Variants in DGAT2L6 observed in about 807,000 individuals in gnomAD.
DGAT2L6 encodes diacylglycerol O-acyltransferase 2-like protein 6.
DGAT2L6 carries 22 observed loss-of-function variants against 25.5 expected under a neutral mutation model. The ratio of observed to expected loss-of-function variants is 0.86; its 90% CI spans 0.62 to 1.23. The LOEUF is 1.23. Ranked by LOEUF, DGAT2L6 falls within the 50% of genes most tolerant of loss-of-function variation. The pLI is 0.00. For synonymous variants in DGAT2L6, 100 were observed against 94.7 expected (o/e 1.06, Z -0.32); for missense variants, 287 against 253.2 (o/e 1.13, Z -0.91).
At chrX:70,194,762 G>A (rs1287048665) in intron 1 of DGAT2L6, among the ~76,000 whole-genome samples, 1 of 111,887 alleles carries the variant, frequency 8.9e-6, no homozygotes, top group Non-Finnish European at 1.9e-5. Context: ...AGACTTAAAT[G>A]TAAGACCTGA....
intron 1 of DGAT2L6, among the ~76,000 whole-genome samples, chrX:70,196,629 A>G (rs2085392936): frequency 1.3e-5 from 1 of 77,725 alleles, no homozygotes; most frequent in Admixed American, 1.1e-4. Context: ...ACAATCTATA[A>G]AAGAAAAAAA....
chrX:70,204,509 C>G lies in DGAT2L6; in HGVS notation c.852C>G (p.Thr284=). 1 of 1,210,174 alleles carries G rather than the reference C, an allele frequency of 8.3e-7. No homozygotes were observed. Among genetic ancestry groups the G allele is most frequent in the Non-Finnish European group, 1.1e-6 (1 of 895,073 alleles). Residue 284 remains threonine (T), a synonymous_variant, in exon 6 of 7, where the codon ACC becomes ACG. Transcript: ENST00000333026. ...WGFLPFNRPI[T]TVVGEPLPIP... is the part of the protein sequence containing the mutation. ...TCCTGCCTTTCAATCGGCCCATTACCACTGTTGGTGAGCTTTCCCTTATCT... is the reference window on the plus strand; with the variant it reads ...TCCTGCCTTTCAATCGGCCCATTACGACTGTTGGTGAGCTTTCCCTTATCT...
At chrX:70,202,138 C>CAGGGAGGGCACCA in intron 5 of DGAT2L6, 74 bp downstream of exon 5, 2 of 950,745 alleles carry the variant, frequency 2.1e-6, no homozygotes, top group Non-Finnish European at 2.7e-6. Context: ...GAATGGTGCC[C>CAGGGAGGGCACCA]TCCCTGGGCA....
At chrX:70,179,081 T>A (rs978736177) in intron 1 of DGAT2L6, among the ~76,000 whole-genome samples, 32 of 112,199 alleles carry the variant, frequency 2.9e-4, no homozygotes, top group African/African-American at 9.7e-4. Flanking sequence ...TCTGCGTATT[T>A]TATTTTGTGC....
intron 1 of DGAT2L6, among the ~76,000 whole-genome samples, chrX:70,178,567 T>G (rs2085333950): frequency 9.0e-6 from 1 of 110,511 alleles, no homozygotes; most frequent in Non-Finnish European, 1.9e-5. Flanking sequence ...CAATTACAGG[T>G]GCAAGCTTGA....
At chrX:70,191,462 A>C (rs1035804505) in intron 1 of DGAT2L6, among the ~76,000 whole-genome samples, 2 of 111,875 alleles carry the variant, frequency 1.8e-5, no homozygotes, top group African/African-American at 6.5e-5. Context: ...AAATTAGCCA[A>C]TTAGAGAAAC....
intron 4 of DGAT2L6, 67 bp from the exon 5 acceptor site, chrX:70,201,823 T>C: frequency 1.9e-6 from 2 of 1,052,804 alleles, no homozygotes; most frequent in Non-Finnish European, 2.5e-6. Context: ...AGGAAGAGCC[T>C]GGGAAAACCC....
chrX:70,181,935 A>C (rs2085344504), intron 1 of DGAT2L6, among the ~76,000 whole-genome samples: 1 of 111,622 alleles, frequency 9.0e-6, no homozygotes, highest in Admixed American at 9.5e-5. Context: ...CAGTATCCCC[A>C]TCCTCTCAGT....
chrX:70,179,698 G>C (rs2085337377), intron 1 of DGAT2L6, among the ~76,000 whole-genome samples: 1 of 106,973 alleles, frequency 9.3e-6, no homozygotes, highest in Non-Finnish European at 1.9e-5. Context: ...TTCCCGAGTA[G>C]CCGGGACTAC....
intron 4 of DGAT2L6, among the ~76,000 whole-genome samples, chrX:70,201,003 A>G (rs1007725222): frequency 1.3e-4 from 15 of 112,447 alleles, no homozygotes; most frequent in Non-Finnish European, 2.3e-4. Flanking sequence ...ATAGGAGTTC[A>G]TCAGAGTATC....
At chrX:70,184,321 C>T in intron 1 of DGAT2L6, among the ~76,000 whole-genome samples, 1 of 111,361 alleles carries the variant, frequency 9.0e-6, no homozygotes, top group South Asian at 3.9e-4. Context: ...ATACTACCAA[C>T]CTTGTCAATC....
chrX:70,200,719 T>C (rs1027846182), intron 4 of DGAT2L6, among the ~76,000 whole-genome samples: 3 of 111,352 alleles, frequency 2.7e-5, no homozygotes, highest in African/African-American at 9.8e-5. Flanking sequence ...ACCAGAAGGC[T>C]GGAATTCAGG....
intron 5 of DGAT2L6, among the ~76,000 whole-genome samples, chrX:70,202,273 G>C (rs989434405): frequency 1.5e-4 from 17 of 112,193 alleles, no homozygotes; most frequent in Non-Finnish European, 2.1e-4. Context: ...GTTGGAGAAA[G>C]AACAGCAGAA....
intron 1 of DGAT2L6, among the ~76,000 whole-genome samples, chrX:70,188,104 G>A (rs1472605347): frequency 1.8e-5 from 2 of 112,155 alleles, no homozygotes; most frequent in Non-Finnish European, 3.8e-5. Flanking sequence ...TATGGGCTAA[G>A]TGAGCAAGTG....
At chrX:70,180,852 TCA>T (rs922836523) in intron 1 of DGAT2L6, among the ~76,000 whole-genome samples, 10 of 112,440 alleles carry the variant, frequency 8.9e-5, no homozygotes, top group Non-Finnish European at 1.9e-5. Context: ...GCTTTAAGGC[TCA>T]CCATGTGGTA....
chrX:70,184,170 C>T (rs1421839852), intron 1 of DGAT2L6, among the ~76,000 whole-genome samples: 1 of 111,629 alleles, frequency 9.0e-6, no homozygotes, highest in East Asian at 2.8e-4. Flanking sequence ...CACCCTGTAC[C>T]ATAACAGAAA....
rs1389154191 is a variant in DGAT2L6 at position 70,177,561 on chromosome X, A to G, written c.-22A>G. ...TGACCTTCTGGTTAGGCTTCTTGCC[A>G]CAACAGAACAGCACCATAACCATGG... On this transcript the variant is annotated 5_prime_UTR_variant, in exon 1 of 7. Transcript: ENST00000333026. 1 of 1,202,395 alleles carries G rather than the reference A, an allele frequency of 8.3e-7. No individual in the cohort carries two copies. Among genetic ancestry groups the G allele is most frequent in the Non-Finnish European group, 1.1e-6 (1 of 888,476 alleles).
rs760223136 is a variant in DGAT2L6, at chrX:70,205,493, A to G, written c.*387A>G. ...GTTCACCATCACTACGTAGGTTTAG[A>G]CTTAGAAGCTTTATTTGGAACAGGG... On this transcript the variant is annotated 3_prime_UTR_variant, in exon 7 of 7. Coordinates refer to ENST00000333026, the MANE Select transcript of DGAT2L6 (RefSeq NM_198512.3). The G allele has an allele frequency of 6.9e-5, 9 of 129,960 alleles. No individual in the cohort carries two copies. Among genetic ancestry groups the G allele is most frequent in the Non-Finnish European group, 1.2e-4 (8 of 65,570 alleles). The allele number at this position is 129,960 out of a possible 1,213,427, so 10.7% of individuals were successfully genotyped here. A position where few individuals can be genotyped will look rare whatever the true frequency, so the allele number is the denominator to read the frequency against.
chrX:70,194,591 C>T (rs746861615), intron 1 of DGAT2L6, among the ~76,000 whole-genome samples: 1 of 111,618 alleles, frequency 9.0e-6, no homozygotes, highest in Admixed American at 9.5e-5. Flanking sequence ...TAATCCCATG[C>T]ATTTATAGTC....
Sources: gnomAD v4.1 joint callset for allele counts (sites outside exome capture counted in the v4.1 genomes callset) on GRCh38, gnomAD v4.1.1 for gene constraint, MANE v1.5 for transcripts, NCBI Gene and HGNC (gene_info 2026-07-23, HGNC 2026-07-21) for gene names.